Variants in CHCHD3 observed in about 807,000 individuals in gnomAD.
The protein encoded by CHCHD3 is coiled-coil-helix-coiled-coil-helix domain containing 3.
A neutral mutation model predicts 38.2 loss-of-function variants in CHCHD3; 20 were observed. That is an observed-to-expected ratio of 0.52 (90% confidence interval 0.37 to 0.76). CHCHD3 has a LOEUF of 0.76. CHCHD3 is among the 30% of genes least tolerant of loss of function. The pLI, the probability that CHCHD3 is intolerant of heterozygous loss-of-function variation, is 0.00. For synonymous variants in CHCHD3, 82 were observed against 100.0 expected, an observed-to-expected ratio of 0.82 and a Z score of 1.07; for missense variants, 245 against 279.2, an observed-to-expected ratio of 0.88 and a Z score of 0.87.
intron 4 of CHCHD3, among the ~76,000 whole-genome samples, chr7:132,942,629 C>T (rs949670871): frequency 1.3e-5 from 2 of 152,066 alleles, no homozygotes; most frequent in African/African-American, 4.8e-5. Flanking sequence ...AAGAAGATAT[C>T]CATAAGAAAT....
chr7:132,973,707 G>A, intron 4 of CHCHD3: 3 of 1,014,880 alleles, frequency 3.0e-6, no homozygotes, highest in Non-Finnish European at 3.5e-6. Flanking sequence ...TTCCTTTCAT[G>A]TTCTCTGTTT....
chr7:132,966,005 GA>G (rs1811455517), intron 4 of CHCHD3, among the ~76,000 whole-genome samples: 1 of 152,160 alleles, frequency 6.6e-6, no homozygotes, highest in Non-Finnish European at 1.5e-5. Context: ...TATTGGTGCT[GA>G]TCATTCCACT....
intron 6 of CHCHD3, among the ~76,000 whole-genome samples, chr7:132,817,182 T>C (rs1347858685): frequency 6.6e-6 from 1 of 152,050 alleles, no homozygotes; most frequent in Non-Finnish European, 1.5e-5. Flanking sequence ...TTCATGTAAT[T>C]TTCCTGGGGT....
intron 6 of CHCHD3, among the ~76,000 whole-genome samples, chr7:132,835,411 T>C (rs1032519842): frequency 1.3e-5 from 2 of 152,184 alleles, no homozygotes; most frequent in Non-Finnish European, 1.5e-5. Context: ...TTATTAATTA[T>C]TCTTGAATAA....
intron 2 of CHCHD3, among the ~76,000 whole-genome samples, chr7:133,026,337 A>G (rs1813336283): frequency 6.6e-6 from 1 of 152,080 alleles, no homozygotes; most frequent in African/African-American, 2.4e-5. Context: ...ATGATATGCC[A>G]TTTCAAACCC....
chr7:132,915,733 A>C (rs1345448176), intron 4 of CHCHD3, among the ~76,000 whole-genome samples: 1 of 152,180 alleles, frequency 6.6e-6, no homozygotes, highest in Non-Finnish European at 1.5e-5. Context: ...GATAATTCAT[A>C]GTACTTAAGA....
intron 5 of CHCHD3, among the ~76,000 whole-genome samples, chr7:132,852,423 A>G (rs1006511137): frequency 2.0e-5 from 3 of 152,126 alleles, no homozygotes; most frequent in Non-Finnish European, 4.4e-5. Flanking sequence ...ATGCCATGGG[A>G]GGGAGGTATT....
At chr7:132,953,795 AG>A (rs1229418041) in intron 4 of CHCHD3, among the ~76,000 whole-genome samples, 2 of 152,244 alleles carry the variant, frequency 1.3e-5, no homozygotes. Flanking sequence ...TTACTCAAAC[AG>A]GAGTAAAGGT....
chr7:132,984,210 A>G (rs10248855), intron 3 of CHCHD3, among the ~76,000 whole-genome samples: 65,456 of 148,022 alleles, frequency 0.44, 14,782 homozygotes, highest in East Asian at 0.54. Context: ...TTGCAGGCGC[A>G]CGGCGCCACG....
intron 5 of CHCHD3, among the ~76,000 whole-genome samples, chr7:132,883,169 C>T (rs183105592): frequency 6.6e-6 from 1 of 152,220 alleles, no homozygotes; most frequent in Non-Finnish European, 1.5e-5. Context: ...TCATAAATTA[C>T]CCAGTCTCAA....
chr7:132,880,716 A>G (rs940720743), intron 5 of CHCHD3, among the ~76,000 whole-genome samples: 1 of 152,194 alleles, frequency 6.6e-6, no homozygotes, highest in Non-Finnish European at 1.5e-5. Flanking sequence ...AACACACATA[A>G]CTAATCACAA....
intron 4 of CHCHD3, among the ~76,000 whole-genome samples, chr7:132,927,358 A>C (rs773792804): frequency 6.6e-6 from 1 of 152,192 alleles, no homozygotes; most frequent in Non-Finnish European, 1.5e-5. Flanking sequence ...TCCTAACTTA[A>C]CAGCCGTCAA....
chr7:132,852,257 A>G (rs1808236771), intron 5 of CHCHD3, among the ~76,000 whole-genome samples: 1 of 152,208 alleles, frequency 6.6e-6, no homozygotes, highest in Admixed American at 6.5e-5. Flanking sequence ...AATATGGGCC[A>G]GGCCAGGGGT....
chr7:132,862,345 A>C (rs1808517084), intron 5 of CHCHD3, among the ~76,000 whole-genome samples: 1 of 152,254 alleles, frequency 6.6e-6, no homozygotes, highest in Non-Finnish European at 1.5e-5. Flanking sequence ...TATCACAATA[A>C]AGTGAGTCAT....
At chr7:133,016,879 G>A (rs1813047159) in intron 3 of CHCHD3, among the ~76,000 whole-genome samples, 1 of 152,188 alleles carries the variant, frequency 6.6e-6, no homozygotes, top group Admixed American at 6.5e-5. Flanking sequence ...CAGCCTATGT[G>A]GACCACTGCC....
intron 5 of CHCHD3, among the ~76,000 whole-genome samples, chr7:132,861,917 A>G (rs974125104): frequency 1.8e-4 from 27 of 152,312 alleles, no homozygotes; most frequent in African/African-American, 6.5e-4. Flanking sequence ...AAGGTAAGAA[A>G]ATGTTAAACT....
At chr7:132,818,736 C>G (rs1807269310) in intron 6 of CHCHD3, among the ~76,000 whole-genome samples, 1 of 152,212 alleles carries the variant, frequency 6.6e-6, no homozygotes, top group South Asian at 2.1e-4. Flanking sequence ...ATATCAATAA[C>G]TTTCCCTTGA....
chr7:132,846,395 C>T (rs1181361824), intron 5 of CHCHD3, among the ~76,000 whole-genome samples: 1 of 152,206 alleles, frequency 6.6e-6, no homozygotes, highest in African/African-American at 2.4e-5. Context: ...TGATAACAGT[C>T]CAAATTGGTA....
At chr7:132,953,939 A>T (rs1020613891) in intron 4 of CHCHD3, among the ~76,000 whole-genome samples, 8 of 152,130 alleles carry the variant, frequency 5.3e-5, no homozygotes, top group South Asian at 2.1e-4. Flanking sequence ...CCCTAGCCAT[A>T]AAAGAGTCAT....
Sources: allele counts gnomAD v4.1 joint callset (sites outside exome capture counted in the v4.1 genomes callset), GRCh38; gene constraint gnomAD v4.1.1; transcripts MANE v1.5; gene names NCBI Gene and HGNC (gene_info 2026-07-23, HGNC 2026-07-21).